ANKRD44: variants seen among roughly 807,000 people sequenced by gnomAD.
ANKRD44 encodes serine/threonine-protein phosphatase 6 regulatory ankyrin repeat subunit B.
ANKRD44 carries 35 observed loss-of-function variants against 116.0 expected under a neutral mutation model. That is an observed-to-expected ratio of 0.30 (90% CI 0.23 to 0.40). ANKRD44 has a LOEUF of 0.40. ANKRD44 is among the 10% of genes least tolerant of loss of function. The probability of loss-of-function intolerance (pLI) is 1.00; values close to 1 mark genes in which losing one functional copy is unlikely to be tolerated. For missense variants in ANKRD44, 1,014 were observed against 1,242.6 expected (o/e 0.82, Z 2.77); for synonymous variants, 435 against 461.8 (o/e 0.94, Z 0.74).
chr2:197,270,385 A>G (rs2082864411), intron 1 of ANKRD44, among the ~76,000 whole-genome samples: 2 of 152,268 alleles, frequency 1.3e-5, no homozygotes, highest in East Asian at 3.9e-4. Flanking sequence ...GGGAAGAAGA[A>G]AGAATGAAAG....
intron 4 of ANKRD44, among the ~76,000 whole-genome samples, chr2:197,130,470 A>G (rs1416144385): frequency 6.6e-6 from 1 of 152,226 alleles, no homozygotes; most frequent in Non-Finnish European, 1.5e-5. Context: ...ATGTATCAGA[A>G]TCTTCTTTTG....
chr2:197,284,503 AACACACACAC>A (rs10547024), intron 1 of ANKRD44, among the ~76,000 whole-genome samples: 1,435 of 137,856 alleles, frequency 0.01, 16 homozygotes, highest in Non-Finnish European at 0.013. Context: ...CAGAGAGTCA[AACACACACAC>A]ACACACACAC....
intron 1 of ANKRD44, among the ~76,000 whole-genome samples, chr2:197,226,825 C>T (rs956807899): frequency 2.0e-4 from 31 of 152,092 alleles, no homozygotes; most frequent in African/African-American, 7.2e-4. Flanking sequence ...GGATTAGAAC[C>T]CACATCTTCA....
chr2:197,282,545 C>T (rs995615376), intron 1 of ANKRD44, among the ~76,000 whole-genome samples: 44 of 152,222 alleles, frequency 2.9e-4, no homozygotes, highest in African/African-American at 1.1e-3. Context: ...TATGGCAGAT[C>T]TGAGGGCCAC....
At chr2:197,214,178 T>A (rs1011894154) in intron 1 of ANKRD44, among the ~76,000 whole-genome samples, 2 of 152,160 alleles carry the variant, frequency 1.3e-5, no homozygotes, top group Non-Finnish European at 2.9e-5. Context: ...AGGGTGTATA[T>A]TAGGGTGTTG....
Position 197,201,230 on chromosome 2 carries a change from A to C in ANKRD44, c.28-14124T>G, listed in dbSNP as rs553262188. 1.6e-4 allele frequency among the ~76,000 whole-genome samples: 25 copies of C among 152,326 alleles called. No individual in the cohort carries two copies. The highest frequency in any genetic ancestry group is 6.0e-4 in the African/African-American group (25 of 41,574). On this transcript the variant is annotated intron_variant, in intron 1 of 27. Coordinates refer to ENST00000282272, the MANE Select transcript of ANKRD44 (RefSeq NM_001195144.2). This position sits in a 1 kb window ranked among gnomAD's most constrained non-coding sequence, Gnocchi z 4.0. ...TTAGGAAAACAAGATGCACTCCCAG[A>C]ATGTTCATGTGAAGGGCACGTGTGA...
chr2:197,238,535 C>A (rs1343069264), intron 1 of ANKRD44, among the ~76,000 whole-genome samples: 1 of 151,958 alleles, frequency 6.6e-6, no homozygotes, highest in Non-Finnish European at 1.5e-5. Flanking sequence ...AGCATAATAC[C>A]ATAGAAGGAT....
chr2:196,970,817 T>C (rs1050454975), intron 21 of ANKRD44, among the ~76,000 whole-genome samples: 1 of 152,146 alleles, frequency 6.6e-6, no homozygotes, highest in Non-Finnish European at 1.5e-5. Flanking sequence ...TCCTCTCACC[T>C]CAGCCTCCTG....
chr2:196,969,653 T>C (rs1302369808), intron 21 of ANKRD44, among the ~76,000 whole-genome samples: 2 of 152,236 alleles, frequency 1.3e-5, no homozygotes, highest in African/African-American at 2.4e-5. Flanking sequence ...TGGCTAATGG[T>C]AGATTTAATC....
chr2:197,130,452 T>C (rs567777482), intron 4 of ANKRD44, among the ~76,000 whole-genome samples: 11 of 152,330 alleles, frequency 7.2e-5, no homozygotes, highest in African/African-American at 2.6e-4. Context: ...GTGTGGCATG[T>C]AGACGACATG....
At chr2:197,057,650 G>A (rs1226647101) in intron 16 of ANKRD44, among the ~76,000 whole-genome samples, 1 of 152,204 alleles carries the variant, frequency 6.6e-6, no homozygotes, top group Non-Finnish European at 1.5e-5. Flanking sequence ...AAGGCCAGGA[G>A]TTTGAGACAA....
At position 197,206,672 on chromosome 2, in the gene ANKRD44, G is replaced by A. The variant is rs142143871; in HGVS notation, c.28-19566C>T. 2.1e-3 allele frequency among the ~76,000 whole-genome samples: 318 copies of A among 152,280 alleles called. 1 individual carries two copies. Among genetic ancestry groups the A allele is most frequent in the African/African-American group, 7.2e-3 (300 of 41,552 alleles). ...AGAGATTGCAGTGAGCCGACATGGC[G>A]CCACTACACTCCAGCCTGAGCGACA... is the stretch of plus-strand genomic sequence containing the variant. On this transcript the variant is annotated intron_variant, in intron 1 of 27. Transcript: ENST00000282272.
In ANKRD44 at chr2:197,123,816, T is replaced by G. The variant is rs562743018; in HGVS notation, c.551-1024A>C. The stretch of plus-strand genomic sequence containing the variant: ...GGGGGGAAAGTATTGGCTTGTTTTA[T>G]TAAAATTTGACTCTTTTCTCTCCAA... On this transcript the variant is annotated intron_variant, in intron 6 of 27. Coordinates refer to ENST00000282272, the MANE Select transcript of ANKRD44 (RefSeq NM_001195144.2). Among the ~76,000 whole-genome samples, 18 of 152,270 alleles carry G rather than the reference T, an allele frequency of 1.2e-4. No homozygotes were observed. In the South Asian group the frequency reaches 2.7e-3, roughly 23 times the overall value.
At chr2:197,277,099 T>C (rs1360174956) in intron 1 of ANKRD44, among the ~76,000 whole-genome samples, 1 of 151,984 alleles carries the variant, frequency 6.6e-6, no homozygotes, top group East Asian at 1.9e-4. Context: ...AGCTAATTTT[T>C]TGTATTTTTA....
chr2:197,164,440 G>A (rs1229301733), intron 2 of ANKRD44, among the ~76,000 whole-genome samples: 1 of 152,194 alleles, frequency 6.6e-6, no homozygotes, highest in Non-Finnish European at 1.5e-5. Flanking sequence ...TCTGGGGGCG[G>A]CCACACTGTG....
chr2:197,260,534 T>A (rs569201606), intron 1 of ANKRD44, among the ~76,000 whole-genome samples: 6 of 152,198 alleles, frequency 3.9e-5, no homozygotes, highest in Admixed American at 1.3e-4. Flanking sequence ...ATAGTGCCGC[T>A]ATAAACATAC....
Position 196,989,565 on chromosome 2 carries a change from T to G in ANKRD44, c.*26A>C, listed in dbSNP as rs2075883202. 1.3e-6 allele frequency: 2 copies of G among 1,549,014 alleles called. No individual in the cohort carries two copies. Among genetic ancestry groups the G allele is most frequent in the Non-Finnish European group, 1.7e-6 (2 of 1,146,092 alleles). On this transcript the variant is annotated 3_prime_UTR_variant, in exon 28 of 28. Coordinates refer to ENST00000282272, the MANE Select transcript of ANKRD44 (RefSeq NM_001195144.2). ...ACACGCACACATATATGTGTGCATG[T>G]GTATGTGCATAATTTTTAAAGAGTC...
At chr2:197,230,487 T>A (rs1238230626) in intron 1 of ANKRD44, among the ~76,000 whole-genome samples, 1 of 152,120 alleles carries the variant, frequency 6.6e-6, no homozygotes, top group East Asian at 1.9e-4. Flanking sequence ...GGCACATAAT[T>A]CTATCACAGG....
At chr2:197,288,233 A>C (rs1408509855) in intron 1 of ANKRD44, among the ~76,000 whole-genome samples, 1 of 152,182 alleles carries the variant, frequency 6.6e-6, no homozygotes, top group Non-Finnish European at 1.5e-5. Flanking sequence ...CTATTCAACC[A>C]GTTGCACAGA....
Sources: allele counts gnomAD v4.1 joint callset (sites outside exome capture counted in the v4.1 genomes callset), GRCh38; gene constraint gnomAD v4.1.1; non-coding constraint Gnocchi (gnomAD v3.1); transcripts MANE v1.5; gene names NCBI Gene and HGNC (gene_info 2026-07-23, HGNC 2026-07-21).